The following PELI2 variants were observed in gnomAD, a reference collection of about 807,000 sequenced individuals.
PELI2 encodes the protein pellino E3 ubiquitin protein ligase family member 2, also known as E3 ubiquitin-protein ligase pellino homolog 2.
PELI2 carries 23 observed loss-of-function variants against 42.3 expected under a neutral mutation model. The ratio of observed to expected loss-of-function variants is 0.54; its 90% confidence interval spans 0.39 to 0.77. The LOEUF (loss-of-function observed/expected upper bound fraction) is 0.77. Ranked by LOEUF, PELI2 falls within the 30% of genes least tolerant of loss-of-function variation. The probability of loss-of-function intolerance (pLI) is 0.00; values close to 1 mark genes in which losing one functional copy is unlikely to be tolerated. For synonymous variants in PELI2, 245 were observed against 212.2 expected (o/e 1.15, Z -1.34); for missense variants, 463 against 553.2 (o/e 0.84, Z 1.64).
chr14:56,124,410 G>A (rs1883173833), intron 1 of PELI2, among the ~76,000 whole-genome samples: 1 of 152,202 alleles, frequency 6.6e-6, no homozygotes. Flanking sequence ...AGCCAGGAAT[G>A]TATGCATTCA....
intron 1 of PELI2, among the ~76,000 whole-genome samples, chr14:56,162,330 T>A (rs923487952): frequency 5.9e-5 from 9 of 152,168 alleles, no homozygotes; most frequent in Non-Finnish European, 1.0e-4. Context: ...GTTGTTTTGG[T>A]TTTTAGATCT....
intron 2 of PELI2, among the ~76,000 whole-genome samples, chr14:56,266,581 C>T (rs982000392): frequency 6.6e-6 from 1 of 151,992 alleles, no homozygotes; most frequent in Non-Finnish European, 1.5e-5. Flanking sequence ...CCATTTTATG[C>T]TTTACTCCCT....
chr14:56,167,700 G>C (rs542285401), intron 1 of PELI2, among the ~76,000 whole-genome samples: 3 of 152,276 alleles, frequency 2.0e-5, no homozygotes, highest in African/African-American at 4.8e-5. Flanking sequence ...ATTTGGTGAG[G>C]TCATGTTTTC....
chr14:56,178,631 T>C (rs969584093), intron 2 of PELI2, among the ~76,000 whole-genome samples, 167 bp downstream of exon 2: 1 of 152,150 alleles, frequency 6.6e-6, no homozygotes, highest in African/African-American at 2.4e-5. Flanking sequence ...CATTGTAGGG[T>C]GTTTAGCAGC....
intron 2 of PELI2, among the ~76,000 whole-genome samples, chr14:56,242,137 G>C (rs1229854447): frequency 6.6e-6 from 1 of 152,198 alleles, no homozygotes; most frequent in Non-Finnish European, 1.5e-5. Flanking sequence ...CCACCTCATG[G>C]GTTCTGTACA....
Position 56,288,821 on chromosome 14 carries a change from G to A in PELI2, c.507+187G>A, listed in dbSNP as rs987098030. 2.6e-5 allele frequency among the ~76,000 whole-genome samples: 4 copies of A among 152,046 alleles called. No individual in the cohort carries two copies. The highest frequency in any genetic ancestry group is 2.0e-4 in the Admixed American group (3 of 15,272). ...ATCTGAACATTAATAAGCATTGCTT[G>A]TTATTCATTATATTTTTTATATTGT... On this transcript the variant is annotated intron_variant, in intron 4 of 5. Transcript: ENST00000267460. This position sits in a 1 kb window ranked among gnomAD's most constrained non-coding sequence, Gnocchi z 4.6.
chr14:56,296,075 A>G (rs1283397231), intron 5 of PELI2, among the ~76,000 whole-genome samples: 1 of 152,240 alleles, frequency 6.6e-6, no homozygotes, highest in African/African-American at 2.4e-5. Flanking sequence ...TTTAGCTTCA[A>G]ACCTTAAAAA....
intron 1 of PELI2, among the ~76,000 whole-genome samples, chr14:56,174,885 A>G (rs534807739): frequency 2.6e-4 from 39 of 151,128 alleles, no homozygotes; most frequent in Non-Finnish European, 5.6e-4. Context: ...CTTTCCCACT[A>G]CTCTCTCCAC....
chr14:56,299,432 G>A lies in PELI2; in HGVS notation c.*2266G>A, dbSNP rs1435106756. The stretch of plus-strand genomic sequence containing the variant: ...TTTGGGAAATAATTTCCAAGCTCTT[G>A]GAAGGGGTAACAGTGAACCGCCCTC... On this transcript the variant is annotated 3_prime_UTR_variant, in exon 6 of 6. Coordinates refer to ENST00000267460, the MANE Select transcript of PELI2 (RefSeq NM_021255.3). The A allele has an allele frequency of 6.6e-6, 1 of 152,118 alleles. No individual in the cohort carries two copies. Among genetic ancestry groups the A allele is most frequent in the Non-Finnish European group, 1.5e-5 (1 of 68,028 alleles). The allele number at this position is 152,118 out of a possible 1,614,324, so 9.4% of individuals were successfully genotyped here. A position where few individuals can be genotyped will look rare whatever the true frequency, so the allele number is the denominator to read the frequency against.
intron 2 of PELI2, among the ~76,000 whole-genome samples, chr14:56,187,391 A>G (rs1181303005): frequency 4.6e-5 from 7 of 152,234 alleles, no homozygotes; most frequent in Non-Finnish European, 8.8e-5. Flanking sequence ...GTCTAAAATC[A>G]GGTGCTCTGT....
intron 2 of PELI2, among the ~76,000 whole-genome samples, chr14:56,250,967 T>A (rs963397226): frequency 6.6e-6 from 1 of 151,704 alleles, no homozygotes; most frequent in African/African-American, 2.4e-5. Flanking sequence ...AAGAGTGCTC[T>A]TAGCCCAAGT....
At chr14:56,293,188 G>A (rs1889889330) in intron 5 of PELI2, among the ~76,000 whole-genome samples, 2 of 152,268 alleles carry the variant, frequency 1.3e-5, no homozygotes, top group South Asian at 4.1e-4. Flanking sequence ...TGGTGGATGG[G>A]GGGTTGAATT....
chr14:56,127,811 G>A (rs1430202183), intron 1 of PELI2, among the ~76,000 whole-genome samples: 1 of 152,196 alleles, frequency 6.6e-6, no homozygotes, highest in Non-Finnish European at 1.5e-5. Context: ...TTTCTAATGA[G>A]AGGGACTAAA....
In PELI2 at chr14:56,279,687, C is replaced by T. The variant is rs1385298898; in HGVS notation, c.219C>T (p.Cys73=). 5.7e-6 allele frequency: 9 copies of T among 1,571,510 alleles called. No individual in the cohort carries two copies. Among genetic ancestry groups the T allele is most frequent in the Non-Finnish European group, 7.8e-6 (9 of 1,148,474 alleles). ...AATTTTATTATTAGGCTATCAGCTG[C>T]AAAGGTCAACACAGTATATCCTACA... is the stretch of plus-strand genomic sequence containing the variant. ...STPQASKAIS[C]KGQHSISYTL... Residue 73 remains cysteine, a synonymous_variant, in exon 3 of 6, where the codon TGC becomes TGT. Transcript: ENST00000267460.
In PELI2 at chr14:56,298,540, C is replaced by G. The variant is rs1890082821; in HGVS notation, c.*1374C>G. ...TTAAACTAATGTTCTCTTAATTTGA[C>G]CATTGCAGATTTGGGTGACTTTTTT... On this transcript the variant is annotated 3_prime_UTR_variant, in exon 6 of 6. Coordinates refer to ENST00000267460, the MANE Select transcript of PELI2 (RefSeq NM_021255.3). 1 of 152,594 alleles carries G rather than the reference C, an allele frequency of 6.6e-6. No homozygotes were observed. The highest frequency in any genetic ancestry group is 2.4e-5 in the African/African-American group (1 of 41,436). 9.5% of individuals were successfully genotyped at this position (152,594 alleles called of 1,614,324 possible).
intron 5 of PELI2, among the ~76,000 whole-genome samples, 157 bp from the exon 6 acceptor site, chr14:56,296,443 G>T (rs948170144): frequency 5.3e-5 from 8 of 152,162 alleles, no homozygotes; most frequent in African/African-American, 1.9e-4. Flanking sequence ...GATGAGGCTC[G>T]GGGAGGATAG....
At chr14:56,141,575 C>CA (rs1883908279) in intron 1 of PELI2, among the ~76,000 whole-genome samples, 1 of 152,164 alleles carries the variant, frequency 6.6e-6, no homozygotes, top group African/African-American at 2.4e-5. Flanking sequence ...TTAATTGACT[C>CA]ACAGTTCGGC....
In PELI2 at chr14:56,288,503, A is replaced by T; in HGVS notation, c.376A>T (p.Thr126Ser). 6.2e-7 allele frequency: 1 copy of T among 1,614,126 alleles called. No individual in the cohort carries two copies. Among genetic ancestry groups the T allele is most frequent in the Non-Finnish European group, 8.5e-7 (1 of 1,179,996 alleles). The change falls in exon 4 of 6, where the codon ACG (threonine) becomes TCG (serine). Residue 126 changes from threonine (T) to serine (S), a missense_variant. Around this residue, in one of 3 missense-constraint regions of PELI2, gnomAD observed 343 missense variants for 378.4 expected, o/e 0.91. Coordinates refer to ENST00000267460, the MANE Select transcript of PELI2 (RefSeq NM_021255.3). The surrounding 1 kb of genome is among the most constrained non-coding windows in gnomAD (Gnocchi z 4.6). ...AGACACGATTTCTGGCAGCCAGAACACGGACGAAGCCCAGATCACACAGAG... is the reference window on the plus strand; with the variant it reads ...AGACACGATTTCTGGCAGCCAGAACTCGGACGAAGCCCAGATCACACAGAG... ...VTDTISGSQN[T>S]DEAQITQSTI...
chr14:56,191,527 C>T (rs1885948054), intron 2 of PELI2, among the ~76,000 whole-genome samples: 1 of 152,144 alleles, frequency 6.6e-6, no homozygotes, highest in African/African-American at 2.4e-5. Flanking sequence ...TGCCTGGGCA[C>T]CTCAAAAGGA....
Sources: allele counts gnomAD v4.1 joint callset (sites outside exome capture counted in the v4.1 genomes callset), GRCh38; gene constraint gnomAD v4.1.1; regional missense constraint gnomAD v4.1.1; non-coding constraint Gnocchi (gnomAD v3.1); transcripts MANE v1.5; gene names NCBI Gene and HGNC (gene_info 2026-07-23, HGNC 2026-07-21).